Variants in SPIDR observed in about 807,000 individuals in gnomAD.
SPIDR encodes the protein DNA repair-scaffolding protein.
SPIDR carries 93 observed loss-of-function variants against 104.6 expected under a neutral mutation model. That is an observed-to-expected ratio of 0.89 (90% confidence interval 0.75 to 1.06). SPIDR has a LOEUF of 1.06. SPIDR is among the 50% of genes least tolerant of loss of function. SPIDR has a pLI of 0.00. For missense variants in SPIDR, 1,154 were observed against 1,111.2 expected, an observed-to-expected ratio of 1.04 and a Z score of -0.55; for synonymous variants, 431 against 416.9, an observed-to-expected ratio of 1.03 and a Z score of -0.41.
intron 5 of SPIDR, among the ~76,000 whole-genome samples, chr8:47,344,920 C>A (rs1184521979): frequency 6.6e-6 from 1 of 152,116 alleles, no homozygotes; most frequent in Non-Finnish European, 1.5e-5. Context: ...CTATAGGTTG[C>A]CTGTTCACTC....
intron 10 of SPIDR, among the ~76,000 whole-genome samples, chr8:47,642,415 CAA>C (rs56227753): frequency 2.6e-4 from 15 of 57,928 alleles, no homozygotes; most frequent in Admixed American, 8.3e-4. Context: ...GACTCCGTCT[CAA>C]AAAAAAAAAA....
chr8:47,440,189 A>G (rs1450762010), intron 7 of SPIDR, 134 bp from the exon 8 acceptor site: 5 of 728,766 alleles, frequency 6.9e-6, no homozygotes, highest in Non-Finnish European at 1.1e-5. Flanking sequence ...TTTACTTTGC[A>G]AAATGTGGAG....
chr8:47,384,593 C>T (rs1475918310), intron 5 of SPIDR, among the ~76,000 whole-genome samples: 2 of 152,150 alleles, frequency 1.3e-5, no homozygotes, highest in South Asian at 4.1e-4. Context: ...TCTTTATCTT[C>T]CCTTGAAGAA....
chr8:47,623,392 A>G (rs1033229159), intron 10 of SPIDR, among the ~76,000 whole-genome samples: 2 of 152,212 alleles, frequency 1.3e-5, no homozygotes, highest in African/African-American at 4.8e-5. Flanking sequence ...AACGATATTA[A>G]CTTTGAATGT....
intron 10 of SPIDR, among the ~76,000 whole-genome samples, chr8:47,627,428 A>G (rs1267930623): frequency 6.6e-6 from 1 of 152,198 alleles, no homozygotes; most frequent in Non-Finnish European, 1.5e-5. Context: ...ATTTACCGCT[A>G]GTAGGAATTT....
intron 4 of SPIDR, among the ~76,000 whole-genome samples, chr8:47,291,388 A>C (rs1554569099): frequency 0.018 from 2,747 of 152,328 alleles, 84 homozygotes; most frequent in African/African-American, 0.064. Context: ...CTGGATCACC[A>C]GTACATTGCA....
intron 5 of SPIDR, among the ~76,000 whole-genome samples, chr8:47,366,559 A>C (rs1359655403): frequency 6.6e-6 from 1 of 152,192 alleles, no homozygotes; most frequent in Non-Finnish European, 1.5e-5. Context: ...CAAGTTGTTA[A>C]GATTGGTTGT....
In SPIDR at chr8:47,702,020, T is replaced by TAATCTCTCTC. The variant is rs2154483718; in HGVS notation, c.1977+14_1977+23dup. The stretch of plus-strand genomic sequence containing the variant: ...GTGATTTACCAAAAACCACAGGTAA[T>TAATCTCTCTC]AATCTCTCTCAATCTCTCAATCTCT... On this transcript the variant is annotated splice_donor_region_variant and intron_variant, in intron 14 of 19. Transcript: ENST00000297423. The TAATCTCTCTC allele has an allele frequency of 1.2e-6, 2 of 1,606,594 alleles. No homozygotes were observed. The highest frequency in any genetic ancestry group is 4.5e-5 in the East Asian group (2 of 44,630).
At chr8:47,344,509 G>A (rs2051462266) in intron 5 of SPIDR, among the ~76,000 whole-genome samples, 1 of 152,174 alleles carries the variant, frequency 6.6e-6, no homozygotes, top group Non-Finnish European at 1.5e-5. Context: ...GGGTCAAATG[G>A]TATTTCTAGT....
At chr8:47,623,320 T>C (rs2065450074) in intron 10 of SPIDR, among the ~76,000 whole-genome samples, 1 of 152,116 alleles carries the variant, frequency 6.6e-6, no homozygotes, top group African/African-American at 2.4e-5. Context: ...AGGAAGAAAC[T>C]GCATCAACTA....
At chr8:47,435,324 ATCTGTGTGTGTGTG>A (rs1300762456) in intron 7 of SPIDR, among the ~76,000 whole-genome samples, 5 of 143,566 alleles carry the variant, frequency 3.5e-5, no homozygotes, top group Non-Finnish European at 7.5e-5. Context: ...ATTTGCTCAG[ATCTGTGTGTGTGTG>A]TGTGTGTGTG....
At chr8:47,662,676 G>C (rs751207529) in intron 10 of SPIDR, among the ~76,000 whole-genome samples, 13 of 152,058 alleles carry the variant, frequency 8.5e-5, no homozygotes, top group Non-Finnish European at 1.5e-4. Flanking sequence ...TTTAAATTAA[G>C]AATAATGCAA....
chr8:47,616,285 G>A (rs1329130215), intron 10 of SPIDR, among the ~76,000 whole-genome samples: 1 of 152,206 alleles, frequency 6.6e-6, no homozygotes, highest in African/African-American at 2.4e-5. Context: ...CATTGAGTGT[G>A]TTAGCTGTGG....
chr8:47,583,058 G>C (rs1413523574), intron 8 of SPIDR, among the ~76,000 whole-genome samples: 7 of 151,258 alleles, frequency 4.6e-5, no homozygotes. Flanking sequence ...AACTTCTCAA[G>C]TATGCTCTGA....
At position 47,492,827 on chromosome 8, in the gene SPIDR, A is replaced by G. The variant is rs557852121; in HGVS notation, c.1097+52285A>G. ...TCCTTCATGCAGCTTCTCCAAGTGC[A>G]TTTTCTGTTGTTCTGCCATTCATTC... On this transcript the variant is annotated intron_variant, in intron 8 of 19. Transcript: ENST00000297423. Among the ~76,000 whole-genome samples the G allele has an allele frequency of 4.6e-5, 7 of 152,240 alleles. No homozygotes were observed. The South Asian group carries it at 1.5e-3, about 32-fold the overall frequency.
chr8:47,679,969 A>G (rs2076896797), intron 11 of SPIDR, among the ~76,000 whole-genome samples: 1 of 152,216 alleles, frequency 6.6e-6, no homozygotes, highest in Non-Finnish European at 1.5e-5. Flanking sequence ...CAAGATTTAA[A>G]TGTGTGTTTA....
intron 8 of SPIDR, among the ~76,000 whole-genome samples, chr8:47,465,655 G>A (rs2074643765): frequency 6.6e-6 from 1 of 152,124 alleles, no homozygotes; most frequent in South Asian, 2.1e-4. Context: ...AGAATCACTT[G>A]AACCTGGGAG....
chr8:47,356,664 CTT>C (rs2054613534), intron 5 of SPIDR, among the ~76,000 whole-genome samples: 2 of 152,174 alleles, frequency 1.3e-5, no homozygotes, highest in South Asian at 4.1e-4. Context: ...GATTGTATAA[CTT>C]ATATTTCCAG....
intron 8 of SPIDR, among the ~76,000 whole-genome samples, chr8:47,482,016 T>C (rs1244551831): frequency 6.6e-6 from 1 of 152,250 alleles, no homozygotes; most frequent in Non-Finnish European, 1.5e-5. Flanking sequence ...GTTCTTCATG[T>C]CTTAGCATCT....
Sources: allele counts gnomAD v4.1 joint callset (sites outside exome capture counted in the v4.1 genomes callset), GRCh38; gene constraint gnomAD v4.1.1; transcripts MANE v1.5; gene names NCBI Gene and HGNC (gene_info 2026-07-23, HGNC 2026-07-21).